MLC1: variants seen among roughly 807,000 people sequenced by gnomAD.
MLC1 encodes the protein modulator of VRAC current 1.
MLC1 carries 32 observed loss-of-function variants against 44.7 expected under a neutral mutation model. That is an observed-to-expected ratio of 0.72 (90% CI 0.54 to 0.96). The LOEUF (loss-of-function observed/expected upper bound fraction) is 0.96. MLC1 is among the 40% of genes least tolerant of loss of function. The pLI, the probability that MLC1 is intolerant of heterozygous loss-of-function variation, is 0.00. For missense variants in MLC1, 459 were observed against 492.2 expected (o/e 0.93, Z 0.64); for synonymous variants, 190 against 213.0 (o/e 0.89, Z 0.94).
At chr22:50,085,015 G>T in intron 1 of MLC1, 54 bp from the exon 2 acceptor site, 1 of 1,524,386 alleles carries the variant, frequency 6.6e-7, no homozygotes, top group Non-Finnish European at 8.8e-7. Flanking sequence ...TCAATAAGTT[G>T]TTTCCAAGAA....
intron 3 of MLC1, 119 bp from the exon 4 acceptor site, chr22:50,080,516 A>C (rs1479758449): frequency 1.8e-6 from 2 of 1,120,428 alleles, no homozygotes; most frequent in African/African-American, 3.1e-5. Context: ...CAGTGTTGCC[A>C]GTCCATGCAA....
intron 8 of MLC1, among the ~76,000 whole-genome samples, chr22:50,071,828 C>T (rs2061858967): frequency 6.6e-6 from 1 of 152,220 alleles, no homozygotes; most frequent in African/African-American, 2.4e-5. Flanking sequence ...TCCTCTTCAT[C>T]TCCCCGAAGG....
intron 11 of MLC1, 95 bp from the exon 12 acceptor site, chr22:50,061,752 C>T (rs1010080298): frequency 5.1e-6 from 6 of 1,167,744 alleles, no homozygotes; most frequent in African/African-American, 4.6e-5. Flanking sequence ...GAGCAGCCAG[C>T]GTTCAGAAGT....
chr22:50,085,645 A>G (rs545519782), upstream of MLC1: 1 of 153,284 alleles, frequency 6.5e-6, no homozygotes, highest in Non-Finnish European at 1.5e-5. Flanking sequence ...AGCGTCCCTA[A>G]GAATAGAATC....
At chr22:50,068,725 C>CTTTTTTT (rs765426637) in intron 9 of MLC1, among the ~76,000 whole-genome samples, 170 bp from the exon 10 acceptor site, 291 of 105,154 alleles carry the variant, frequency 2.8e-3, no homozygotes, top group Non-Finnish European at 4.3e-3. Flanking sequence ...TTTTCTTTTT[C>CTTTTTTT]TTTTTTTTTT....
At chr22:50,080,132 G>A (rs2062083430) in intron 4 of MLC1, 113 bp from the exon 5 acceptor site, 1 of 1,017,098 alleles carries the variant, frequency 9.8e-7, no homozygotes, top group Non-Finnish European at 1.5e-6. Flanking sequence ...AGGACATAAT[G>A]GTGGGGAGTC....
chr22:50,081,009 AAAAGAAAGAAAGAAAGAAAG>A (rs757266134), intron 3 of MLC1, among the ~76,000 whole-genome samples: 3 of 96,740 alleles, frequency 3.1e-5, no homozygotes, highest in African/African-American at 1.4e-4. Context: ...TTGTCTCAAA[AAAAGAAAGAAAGAAAGAAAG>A]AAAGAAAGAA....
chr22:50,077,712 T>C (rs902489432), intron 5 of MLC1, among the ~76,000 whole-genome samples: 5 of 152,196 alleles, frequency 3.3e-5, no homozygotes, highest in African/African-American at 1.2e-4. Flanking sequence ...TTTAAAACCA[T>C]TCTTAGTGCA....
chr22:50,065,359 C>T (rs1454223502), intron 10 of MLC1, among the ~76,000 whole-genome samples: 1 of 148,410 alleles, frequency 6.7e-6, no homozygotes, highest in Non-Finnish European at 1.5e-5. Context: ...CCTATGCTTT[C>T]CTCAGTCTCA....
chr22:50,083,227 A>C lies in MLC1; in HGVS notation c.178-54T>G. The C allele has an allele frequency of 6.7e-7, 1 of 1,489,144 alleles. No homozygotes were observed. Among genetic ancestry groups the C allele is most frequent in the Non-Finnish European group, 9.4e-7 (1 of 1,068,062 alleles). The allele number at this position is 1,489,144 out of a possible 1,614,324, so 92.2% of individuals were successfully genotyped here. On this transcript the variant is annotated intron_variant, in intron 2 of 11. Coordinates refer to ENST00000311597, the MANE Select transcript of MLC1 (RefSeq NM_015166.4). The surrounding 1 kb of genome is among the most constrained non-coding windows in gnomAD (Gnocchi z 4.6). ...ACAACGCGCCCCGTCCCCAGGCTGG[A>C]CCCTGACCCTTCAACTTCTGCTTCA... is the stretch of plus-strand genomic sequence containing the variant.
chr22:50,063,472 CAAAA>C (rs1186364376), intron 11 of MLC1, among the ~76,000 whole-genome samples: 28 of 79,554 alleles, frequency 3.5e-4, no homozygotes, highest in South Asian at 1.0e-3. Flanking sequence ...GACTCCTTCT[CAAAA>C]AAAAAAAAAA....
chr22:50,074,496 C>T, intron 7 of MLC1, 164 bp from the exon 8 acceptor site: 1 of 682,356 alleles, frequency 1.5e-6, no homozygotes, highest in Non-Finnish European at 2.7e-6. Context: ...CTCACCTGGC[C>T]CAGACCCCCT....
At chr22:50,065,892 T>C (rs752729833) in intron 10 of MLC1, among the ~76,000 whole-genome samples, 2 of 152,232 alleles carry the variant, frequency 1.3e-5, no homozygotes, top group African/African-American at 4.8e-5. Context: ...GGAGGAGTTA[T>C]TTATAGTAGC....
intron 3 of MLC1, among the ~76,000 whole-genome samples, chr22:50,081,684 C>T (rs1194867375): frequency 4.6e-5 from 7 of 152,376 alleles, no homozygotes; most frequent in South Asian, 2.1e-4. Flanking sequence ...GAAGAAGCCC[C>T]GTCGGGGCCT....
rs1258433412 is a variant in MLC1, at chr22:50,067,966, AAAAAC to A, written c.894+462_894+466del. On this transcript the variant is annotated intron_variant, in intron 10 of 11. Coordinates refer to ENST00000311597, the MANE Select transcript of MLC1 (RefSeq NM_015166.4). The stretch of plus-strand genomic sequence containing the variant: ...ACTTATACTGGAAAAAAAAAAACAA[AAAAAC>A]AAAAAAACACTAGGTATCTAAGAAA... Among the ~76,000 whole-genome samples the A allele has an allele frequency of 5.1e-3, 781 of 152,038 alleles. 9 individuals carry two copies. The highest frequency in any genetic ancestry group is 0.017 in the South Asian group (80 of 4,792).
intron 6 of MLC1, 70 bp from the exon 7 acceptor site, chr22:50,076,982 C>T (rs1046966979): frequency 2.6e-6 from 4 of 1,560,900 alleles, no homozygotes; most frequent in Non-Finnish European, 3.5e-6. Context: ...TGGCATCCGG[C>T]CGCCGTGGGC....
chr22:50,084,182 C>T (rs1389837038), intron 2 of MLC1, among the ~76,000 whole-genome samples: 1 of 152,206 alleles, frequency 6.6e-6, no homozygotes, highest in Non-Finnish European at 1.5e-5. Flanking sequence ...CTCCTCCAAT[C>T]ATCTCTGTGC....
At chr22:50,076,284 G>A (rs1362595590) in intron 7 of MLC1, among the ~76,000 whole-genome samples, 1 of 152,178 alleles carries the variant, frequency 6.6e-6, no homozygotes, top group African/African-American at 2.4e-5. Flanking sequence ...GCCAGGTGCG[G>A]TGGCTCACAC....
intron 9 of MLC1, 149 bp from the exon 10 acceptor site, chr22:50,068,704 T>C (rs1256149491): frequency 8.1e-6 from 6 of 741,988 alleles, no homozygotes; most frequent in Non-Finnish European, 1.1e-5. Flanking sequence ...CTGAAACCTC[T>C]GCCTTTTCTT....
Sources: allele counts gnomAD v4.1 joint callset (sites outside exome capture counted in the v4.1 genomes callset), GRCh38; gene constraint gnomAD v4.1.1; non-coding constraint Gnocchi (gnomAD v3.1); transcripts MANE v1.5; gene names NCBI Gene and HGNC (gene_info 2026-07-23, HGNC 2026-07-21).